Variants in IGF2R observed in about 807,000 individuals in gnomAD.
IGF2R encodes insulin like growth factor 2 receptor.
In IGF2R, 91 loss-of-function variants were observed where a neutral mutation model predicts 270.6. The observed-to-expected ratio is 0.34, with a 90% CI of 0.28 to 0.40. IGF2R has a LOEUF of 0.40. Among genes scored for constraint, IGF2R ranks in the 10% least tolerant of loss-of-function variants. The pLI, the probability that IGF2R is intolerant of heterozygous loss-of-function variation, is 1.00. For synonymous variants in IGF2R, 1,316 were observed against 1,258.9 expected (o/e 1.05, Z -0.96); for missense variants, 2,805 against 3,188.3 (o/e 0.88, Z 2.90).
chr6:160,002,850 A>G (rs988626095), intron 2 of IGF2R, among the ~76,000 whole-genome samples: 1 of 152,244 alleles, frequency 6.6e-6, no homozygotes, highest in African/African-American at 2.4e-5. Flanking sequence ...TAAACATTGC[A>G]GTAAAAATAC....
chr6:159,996,334 G>A (rs1320016025), intron 2 of IGF2R, among the ~76,000 whole-genome samples: 14 of 152,204 alleles, frequency 9.2e-5, no homozygotes, highest in Non-Finnish European at 1.5e-5. Flanking sequence ...CGATGGGTGG[G>A]TCTATGAGTC....
chr6:160,010,393 A>G (rs1784315274), intron 3 of IGF2R: 1 of 246,108 alleles, frequency 4.1e-6, no homozygotes, highest in African/African-American at 2.2e-5. Flanking sequence ...TTGAGAGGAG[A>G]ATGACTGAGG....
intron 2 of IGF2R, among the ~76,000 whole-genome samples, chr6:160,001,620 C>T (rs570931933): frequency 6.6e-6 from 1 of 152,002 alleles, no homozygotes; most frequent in African/African-American, 2.4e-5. Context: ...TAGTGAGAAA[C>T]AAATATTAAG....
At chr6:160,057,068 C>T (rs979087051) in intron 20 of IGF2R, among the ~76,000 whole-genome samples, 2 of 151,948 alleles carry the variant, frequency 1.3e-5, no homozygotes, top group Non-Finnish European at 2.9e-5. Context: ...TGTGTCTCAC[C>T]GTGGCCCTGT....
intron 2 of IGF2R, among the ~76,000 whole-genome samples, chr6:159,997,416 G>T (rs1169568314): frequency 6.6e-6 from 1 of 152,160 alleles, no homozygotes; most frequent in Non-Finnish European, 1.5e-5. Flanking sequence ...CTGCCACCCA[G>T]GTCCAGTGGA....
At chr6:160,035,788 A>G (rs535117419) in intron 10 of IGF2R, among the ~76,000 whole-genome samples, 8 of 152,244 alleles carry the variant, frequency 5.3e-5, no homozygotes, top group Non-Finnish European at 1.0e-4. Flanking sequence ...GGTTCAGGGC[A>G]GTGCTGCTAG....
chr6:159,973,521 T>C (rs1057357906), intron 1 of IGF2R, among the ~76,000 whole-genome samples: 1 of 152,198 alleles, frequency 6.6e-6, no homozygotes, highest in Non-Finnish European at 1.5e-5. Context: ...GTTGGTTTAG[T>C]TACTGTCTCT....
chr6:160,078,445 TGTG>T (rs1778902785), intron 37 of IGF2R, 83 bp downstream of exon 37: 1 of 1,316,972 alleles, frequency 7.6e-7, no homozygotes, highest in East Asian at 2.3e-5. Context: ...TTTTGGATAA[TGTG>T]GTACCTGTGA....
rs1370616257 is a variant in IGF2R, at chr6:160,050,915, T to G, written c.2694+263T>G. ...GGTGACATACACTGTTTCCTGGATT[T>G]TTTTTCTGAGTCGTACAGACATTAT... On this transcript the variant is annotated intron_variant, in intron 19 of 47. Coordinates refer to ENST00000356956, the MANE Select transcript of IGF2R (RefSeq NM_000876.4). The surrounding 1 kb of genome is among the most constrained non-coding windows in gnomAD (Gnocchi z 4.0). 6.6e-6 allele frequency among the ~76,000 whole-genome samples: 1 copy of G among 152,178 alleles called. No homozygotes were observed. The highest frequency in any genetic ancestry group is 1.5e-5 in the Non-Finnish European group (1 of 68,028).
chr6:159,981,335 C>CT (rs1783799660), intron 1 of IGF2R, among the ~76,000 whole-genome samples: 1 of 151,482 alleles, frequency 6.6e-6, no homozygotes, highest in African/African-American at 2.4e-5. Flanking sequence ...GTGTGTGTGT[C>CT]TGAGTGTGTG....
At chr6:160,026,562 T>C (rs1287415652) in intron 5 of IGF2R, among the ~76,000 whole-genome samples, 2 of 152,152 alleles carry the variant, frequency 1.3e-5, no homozygotes, top group East Asian at 1.9e-4. Flanking sequence ...CAAAGTATAC[T>C]GTGTAAGGTA....
intron 45 of IGF2R, among the ~76,000 whole-genome samples, chr6:160,101,575 G>A (rs1001758747): frequency 6.6e-6 from 1 of 152,252 alleles, no homozygotes; most frequent in Non-Finnish European, 1.5e-5. Flanking sequence ...TCAGTTCTTT[G>A]AGCAGCCGGC....
In IGF2R at chr6:160,046,524, A is replaced by G. The variant is rs1778072198; in HGVS notation, c.1930A>G (p.Thr644Ala). The G allele has an allele frequency of 6.2e-7, 1 of 1,611,378 alleles. No individual in the cohort carries two copies. Among genetic ancestry groups the G allele is most frequent in the Non-Finnish European group, 8.5e-7 (1 of 1,179,468 alleles). ...AGFSFDLSPL[T>A]KKNGAYKVET... is the part of the protein sequence containing the mutation. ...GTTTTCTTTTGACTTATCACCTCTC[A>G]CAAAGAAAAATGGTGCCTATAAAGT... The change falls in exon 15 of 48, where the codon ACA becomes GCA. Residue 644 changes from threonine to alanine, a missense_variant. Thr to Ala is a moderately conservative substitution (Grantham distance 58). Around this residue, in one of 2 missense-constraint regions of IGF2R, gnomAD observed 954 missense variants for 981.1 expected, o/e 0.97. Transcript: ENST00000356956.
chr6:160,047,814 A>G lies in IGF2R; in HGVS notation c.2252A>G (p.Asn751Ser), dbSNP rs768041177. ...EYQEEDNSTY[N>S]FRWYTSYACP... is the part of the protein sequence containing the mutation. ...TAGGAAGAGGATAACTCCACCTACA[A>G]CTTCCGGTGGTACACCAGCTATGCC... Residue 751 changes from asparagine to serine, a missense_variant, in exon 17 of 48, where the codon AAC (asparagine) becomes AGC (serine). Asn to Ser is a conservative substitution (Grantham distance 46). Around this residue, in one of 2 missense-constraint regions of IGF2R, gnomAD observed 954 missense variants for 981.1 expected, o/e 0.97. Coordinates refer to ENST00000356956, the MANE Select transcript of IGF2R (RefSeq NM_000876.4). The G allele has an allele frequency of 3.7e-6, 6 of 1,613,556 alleles. No individual in the cohort carries two copies. The highest frequency in any genetic ancestry group is 3.3e-5 in the South Asian group (3 of 91,054).
chr6:160,032,996 G>A lies in IGF2R; in HGVS notation c.1100G>A (p.Gly367Glu). The A allele has an allele frequency of 6.2e-7, 1 of 1,604,376 alleles. No homozygotes were observed. The change falls in exon 9 of 48, where the codon GGA (glycine) becomes GAA (glutamate). Residue 367 changes from glycine to glutamate, a missense_variant. Physicochemically the swap from Gly to Glu is moderately conservative, Grantham distance 98 (BLOSUM62 -2). Transcript: ENST00000356956. ...TATTTGTTTTATTTGAATGTCTGTGGAGAAACTGAAATACAGTTCTGTAAT... is the reference window on the plus strand; with the variant it reads ...TATTTGTTTTATTTGAATGTCTGTGAAGAAACTGAAATACAGTTCTGTAAT... Reference protein sequence around the residue: ...KEYLFYLNVCGETEIQFCNKK... With the variant: ...KEYLFYLNVCEETEIQFCNKK...
At chr6:160,036,914 C>T (rs1425022885) in intron 10 of IGF2R, among the ~76,000 whole-genome samples, 2 of 152,160 alleles carry the variant, frequency 1.3e-5, no homozygotes, top group African/African-American at 4.8e-5. Context: ...AGCTAAAGCC[C>T]AGATGAGCTG....
At chr6:159,990,256 A>C in intron 1 of IGF2R, among the ~76,000 whole-genome samples, 1 of 152,162 alleles carries the variant, frequency 6.6e-6, no homozygotes, top group Non-Finnish European at 1.5e-5. Context: ...TCTCCACCCA[A>C]ATCTCAGCTT....
chr6:160,045,695 T>C (rs974853410), intron 13 of IGF2R, 50 bp from the exon 14 acceptor site: 2 of 1,608,604 alleles, frequency 1.2e-6, no homozygotes, highest in Non-Finnish European at 8.5e-7. Context: ...AGGTAAGATA[T>C]TTTAGGAATG....
rs1301455353 is a variant in IGF2R at position 160,068,128 on chromosome 6, G to T, written c.4116-121G>T. The T allele has an allele frequency of 6.5e-6, 6 of 929,232 alleles. No homozygotes were observed. The African/African-American group carries it at 8.3e-5, about 13-fold the overall frequency. 57.6% of individuals were successfully genotyped at this position (929,232 alleles called of 1,614,324 possible). On this transcript the variant is annotated intron_variant, in intron 29 of 47. Coordinates refer to ENST00000356956, the MANE Select transcript of IGF2R (RefSeq NM_000876.4). ...TGTGTGACAGAGACAGAGAGAAGTC[G>T]AGTCTAAAGTTCTGTCAGGCTTAGA...
Sources: gnomAD v4.1 joint callset for allele counts (sites outside exome capture counted in the v4.1 genomes callset) on GRCh38, gnomAD v4.1.1 for gene constraint, gnomAD v4.1.1 regional missense constraint, Gnocchi (gnomAD v3.1) non-coding constraint, MANE v1.5 for transcripts, NCBI Gene and HGNC (gene_info 2026-07-23, HGNC 2026-07-21) for gene names.